Variants in TNS3 observed in about 807,000 individuals in gnomAD.
TNS3 encodes tensin 3.
In TNS3, 45 loss-of-function variants were observed where a neutral mutation model predicts 140.9. The ratio of observed to expected loss-of-function variants is 0.32; its 90% CI spans 0.25 to 0.41. TNS3 has a LOEUF of 0.41. TNS3 is among the 10% of genes least tolerant of loss of function. TNS3 has a pLI of 1.00. For synonymous variants in TNS3, 815 were observed against 788.4 expected, an observed-to-expected ratio of 1.03 and a Z score of -0.56; for missense variants, 1,716 against 1,906.7, an observed-to-expected ratio of 0.90 and a Z score of 1.86.
chr7:47,514,308 C>T (rs969130773), intron 2 of TNS3, among the ~76,000 whole-genome samples: 4 of 152,228 alleles, frequency 2.6e-5, no homozygotes, highest in Non-Finnish European at 5.9e-5. Flanking sequence ...CTCCTGAAGT[C>T]CTAATACTGC....
At chr7:47,303,651 C>T (rs1786561870) in intron 21 of TNS3, 67 bp from the exon 22 acceptor site, 12 of 1,480,488 alleles carry the variant, frequency 8.1e-6, no homozygotes, top group Non-Finnish European at 1.1e-5. Flanking sequence ...GACCAGCAAG[C>T]GTCACCCACA....
chr7:47,336,841 C>A (rs1788659112), intron 20 of TNS3, among the ~76,000 whole-genome samples: 1 of 152,100 alleles, frequency 6.6e-6, no homozygotes, highest in African/African-American at 2.4e-5. Flanking sequence ...ATTTGGTCAC[C>A]CTATTGCGTT....
At chr7:47,396,203 T>G (rs1438185838) in intron 16 of TNS3, among the ~76,000 whole-genome samples, 1 of 152,194 alleles carries the variant, frequency 6.6e-6, no homozygotes, top group Non-Finnish European at 1.5e-5. Context: ...AGTTGTGTCT[T>G]GTGGAGATTC....
intron 16 of TNS3, among the ~76,000 whole-genome samples, chr7:47,389,301 G>A (rs539163457): frequency 6.2e-5 from 9 of 144,948 alleles, no homozygotes; most frequent in East Asian, 1.9e-4. Context: ...GTGGGATATC[G>A]GGGGTACCCT....
chr7:47,403,939 T>G (rs185186397), intron 13 of TNS3, among the ~76,000 whole-genome samples: 12 of 152,354 alleles, frequency 7.9e-5, no homozygotes, highest in Non-Finnish European at 1.3e-4. Flanking sequence ...TAAGATATAA[T>G]AGTAATGCAA....
chr7:47,393,617 G>T (rs1328058938), intron 16 of TNS3, among the ~76,000 whole-genome samples: 1 of 152,104 alleles, frequency 6.6e-6, no homozygotes, highest in Non-Finnish European at 1.5e-5. Context: ...AGGCTGCAAG[G>T]GATGAACCAG....
chr7:47,480,811 T>G lies in TNS3; in HGVS notation c.-76+292A>C, dbSNP rs1292098959. Among the ~76,000 whole-genome samples, 3 of 152,182 alleles carry G rather than the reference T, an allele frequency of 2.0e-5. No individual in the cohort carries two copies. The East Asian group carries it at 5.8e-4, about 29-fold the overall frequency. ...ACAGACTTGTGCTGTCTTCACTTTA[T>G]AGCCAAGGAAACTCGGCCCAGGGAG... On this transcript the variant is annotated intron_variant, in intron 4 of 30. Transcript: ENST00000311160.
At chr7:47,450,069 C>G (rs550537802) in intron 4 of TNS3, among the ~76,000 whole-genome samples, 1 of 152,330 alleles carries the variant, frequency 6.6e-6, no homozygotes, top group South Asian at 2.1e-4. Flanking sequence ...ACACAATAGC[C>G]ACCCAGCACA....
chr7:47,535,476 T>C (rs1012459443), intron 1 of TNS3, among the ~76,000 whole-genome samples: 1 of 152,230 alleles, frequency 6.6e-6, no homozygotes, highest in African/African-American at 2.4e-5. Context: ...TATTGTGAAA[T>C]GAGACCAGAC....
chr7:47,286,838 T>C (rs1031953733), intron 27 of TNS3, among the ~76,000 whole-genome samples: 3 of 152,178 alleles, frequency 2.0e-5, no homozygotes, highest in African/African-American at 7.2e-5. Flanking sequence ...GCATTATGTT[T>C]GTAAAAACCA....
chr7:47,292,138 C>T, intron 26 of TNS3, 106 bp from the exon 27 acceptor site: 1 of 1,147,564 alleles, frequency 8.7e-7, no homozygotes, highest in Non-Finnish European at 1.3e-6. Context: ...TGGTGACATG[C>T]AATGGTTTTG....
At chr7:47,537,435 G>C (rs1799641971) in intron 1 of TNS3, among the ~76,000 whole-genome samples, 1 of 149,152 alleles carries the variant, frequency 6.7e-6, no homozygotes, top group African/African-American at 2.4e-5. Flanking sequence ...CCGCAGCTCC[G>C]AGCGAGCGCG....
intron 10 of TNS3, among the ~76,000 whole-genome samples, chr7:47,422,418 A>G (rs1794421240): frequency 6.6e-6 from 1 of 152,200 alleles, no homozygotes; most frequent in African/African-American, 2.4e-5. Flanking sequence ...GTTCAAGACC[A>G]GCCTGGGCAA....
intron 4 of TNS3, among the ~76,000 whole-genome samples, chr7:47,449,112 G>A (rs957677535): frequency 1.3e-5 from 2 of 152,230 alleles, no homozygotes; most frequent in African/African-American, 4.8e-5. Flanking sequence ...CAGTTAAACT[G>A]TACAGAATCT....
At position 47,379,784 on chromosome 7, in the gene TNS3, C is replaced by T. The variant is rs1209078523; in HGVS notation, c.1025-10163G>A. On this transcript the variant is annotated intron_variant, in intron 16 of 30. Transcript: ENST00000311160. The stretch of plus-strand genomic sequence containing the variant: ...TCTGAGCTGCCAGGAGGGGAGGTGC[C>T]CAGCAGGAAAGAGGCTGCAGCGGCA... 3.3e-5 allele frequency among the ~76,000 whole-genome samples: 5 copies of T among 152,162 alleles called. No individual in the cohort carries two copies. The East Asian group carries it at 9.7e-4, about 29-fold the overall frequency.
intron 3 of TNS3, chr7:47,481,603 G>C (rs1797421087): frequency 1.0e-6 from 1 of 953,298 alleles, no homozygotes; most frequent in Non-Finnish European, 1.2e-6. Flanking sequence ...ATCTTTTCTA[G>C]AACTATTTCT....
chr7:47,337,587 C>T (rs955718747), intron 20 of TNS3, among the ~76,000 whole-genome samples: 9 of 152,216 alleles, frequency 5.9e-5, no homozygotes, highest in Non-Finnish European at 1.2e-4. Flanking sequence ...TTCTGATTTC[C>T]TCCTATCTCT....
At chr7:47,452,905 G>A in intron 4 of TNS3, 2 of 985,416 alleles carry the variant, frequency 2.0e-6, no homozygotes, top group Non-Finnish European at 2.4e-6. Context: ...CCAGCCGAGA[G>A]GCGGCACGTG....
At chr7:47,557,105 T>G (rs1438158367) in intron 1 of TNS3, 2 of 456,814 alleles carry the variant, frequency 4.4e-6, no homozygotes, top group Non-Finnish European at 8.8e-6. Flanking sequence ...AATCCTGATC[T>G]CTGCCTGGAG....
Sources: allele counts gnomAD v4.1 joint callset (sites outside exome capture counted in the v4.1 genomes callset), GRCh38; gene constraint gnomAD v4.1.1; transcripts MANE v1.5; gene names NCBI Gene and HGNC (gene_info 2026-07-23, HGNC 2026-07-21).